Variants in PHGR1 observed in about 807,000 individuals in gnomAD.
PHGR1 encodes the protein proline, histidine and glycine-rich protein 1.
In PHGR1, 3 loss-of-function variants were observed where a neutral mutation model predicts 4.9. The observed-to-expected ratio is 0.61, with a 90% CI of 0.28 to 1.58. PHGR1 has a LOEUF of 1.58. Among genes scored for constraint, PHGR1 ranks in the 40% most tolerant of loss-of-function variants. PHGR1 has a pLI of 0.11. For synonymous variants in PHGR1, 32 were observed against 46.1 expected (o/e 0.69, Z 1.24); for missense variants, 81 against 118.7 (o/e 0.68, Z 1.48).
At position 40,353,448 on chromosome 15, in the gene PHGR1, T is replaced by C. The variant is rs1254392762; in HGVS notation, c.10+181T>C. 6.8e-6 allele frequency: 5 copies of C among 733,568 alleles called. No individual in the cohort carries two copies. The East Asian group carries it at 8.4e-5, about 12-fold the overall frequency. 45.4% of individuals were successfully genotyped at this position (733,568 alleles called of 1,614,324 possible). On this transcript the variant is annotated intron_variant, in intron 2 of 3. Transcript: ENST00000448599. ...ACAAGCCCTTACATACTGTAGAACATGTTACAGTTTAAAAAGCATGCTTAC... is the reference window on the plus strand; with the variant it reads ...ACAAGCCCTTACATACTGTAGAACACGTTACAGTTTAAAAAGCATGCTTAC...
intron 2 of PHGR1, chr15:40,353,519 G>A (rs1015803827): frequency 2.2e-5 from 11 of 500,324 alleles, no homozygotes; most frequent in Non-Finnish European, 4.0e-5. Flanking sequence ...TTCTCCCACC[G>A]CACACTCAAG....
rs1889291244 is a variant in PHGR1, at chr15:40,356,120, G to A, written c.66G>A (p.Gly22=). The change falls in exon 4 of 4, where the codon GGG becomes GGA. Residue 22 remains glycine (G), a synonymous_variant. Transcript: ENST00000448599. ...ATGGCCATCCTCCAGGTCACTGCGG[G>A]CCACCCCCTGGCCATGGCCCAGGGC... ...GGHGHPPGHC[G]PPPGHGPGPC... is the part of the protein sequence containing the mutation. The A allele has an allele frequency of 1.3e-6, 2 of 1,549,214 alleles. No homozygotes were observed. Among genetic ancestry groups the A allele is most frequent in the Admixed American group, 2.0e-5 (1 of 50,958 alleles).
intron 1 of PHGR1, 112 bp from the exon 2 acceptor site, chr15:40,353,117 GTGT>G: frequency 1.9e-6 from 1 of 514,056 alleles, no homozygotes; most frequent in Non-Finnish European, 2.8e-6. Context: ...AAGGGTGTGT[GTGT>G]GTGTGTGTGT....
intron 2 of PHGR1, among the ~76,000 whole-genome samples, chr15:40,354,014 A>T (rs1889249951): frequency 6.6e-6 from 1 of 152,200 alleles, no homozygotes; most frequent in South Asian, 2.1e-4. Context: ...CAGGTGGATG[A>T]CAGGGTTGGC....
In PHGR1 at chr15:40,356,310, A is replaced by AG; in HGVS notation, c.*8dup. The AG allele has an allele frequency of 6.5e-7, 1 of 1,549,810 alleles. No homozygotes were observed. The highest frequency in any genetic ancestry group is 1.4e-5 in the African/African-American group (1 of 73,094). On this transcript the variant is annotated 3_prime_UTR_variant, in exon 4 of 4. Coordinates refer to ENST00000448599, the MANE Select transcript of PHGR1 (RefSeq NM_001145643.2). ...CCCTGGTCCACATCACTGAGGAAGT[A>AG]GAAGAAAACAGGACACAAGATGGCA...
intron 1 of PHGR1, among the ~76,000 whole-genome samples, chr15:40,352,911 T>C (rs1001397488): frequency 1.3e-5 from 2 of 151,978 alleles, no homozygotes; most frequent in Non-Finnish European, 2.9e-5. Context: ...TAACACACAA[T>C]TGTTGAGTCT....
intron 1 of PHGR1, among the ~76,000 whole-genome samples, chr15:40,351,511 ATCAC>A (rs1422738066): frequency 6.6e-6 from 1 of 152,140 alleles, no homozygotes; most frequent in Non-Finnish European, 1.5e-5. Context: ...TTCCAGCTTT[ATCAC>A]TCACTAAGGG....
At chr15:40,352,300 T>A (rs1049470712) in intron 1 of PHGR1, among the ~76,000 whole-genome samples, 4 of 152,156 alleles carry the variant, frequency 2.6e-5, no homozygotes, top group African/African-American at 9.7e-5. Context: ...GGGGGCGCTG[T>A]TTGTTTTTGT....
chr15:40,353,648 C>T (rs989273198), intron 2 of PHGR1: 7 of 245,300 alleles, frequency 2.9e-5, no homozygotes, highest in Admixed American at 1.5e-4. Context: ...AACAAAAGAC[C>T]GTCCTAGCCT....
At position 40,353,142 on chromosome 15, in the gene PHGR1, T is replaced by TGC. The variant is rs1470647130; in HGVS notation, c.-26-89_-26-88insCG. The TGC allele has an allele frequency of 1.3e-4, 127 of 941,832 alleles. No homozygotes were observed. The African/African-American group carries it at 2.2e-3, about 16-fold the overall frequency. The allele number at this position is 941,832 out of a possible 1,614,324, so 58.3% of individuals were successfully genotyped here. On this transcript the variant is annotated intron_variant, in intron 1 of 3. Coordinates refer to ENST00000448599, the MANE Select transcript of PHGR1 (RefSeq NM_001145643.2). ...GTGTGTGTGTGTGTGTGTGTGTGTG[T>TGC]GTGTGCGCGCGCGCGCGCATCCGTG...
At chr15:40,355,343 G>C (rs1235020551) in intron 3 of PHGR1, among the ~76,000 whole-genome samples, 3 of 152,048 alleles carry the variant, frequency 2.0e-5, no homozygotes, top group Non-Finnish European at 4.4e-5. Flanking sequence ...TCAGGAACAG[G>C]TATGAGCTCG....
chr15:40,354,356 G>A lies in PHGR1; in HGVS notation c.18+4G>A. The A allele has an allele frequency of 1.3e-6, 2 of 1,536,408 alleles. No homozygotes were observed. The highest frequency in any genetic ancestry group is 3.3e-4 in the Middle Eastern group (2 of 5,986). The stretch of plus-strand genomic sequence containing the variant: ...TTCCTCTCCCACAGGTCCGAAGGTA[G>A]GAAAGTTCCCCCAATGGTCTCCCCT... On this transcript the variant is annotated splice_donor_region_variant and intron_variant, in intron 3 of 3. Transcript: ENST00000448599.
At chr15:40,355,056 C>G (rs1377867791) in intron 3 of PHGR1, among the ~76,000 whole-genome samples, 2 of 152,234 alleles carry the variant, frequency 1.3e-5, no homozygotes, top group South Asian at 2.1e-4. Flanking sequence ...CCAGCCCAGA[C>G]AGTGGGAGCA....
chr15:40,354,494 CG>C, intron 3 of PHGR1, 142 bp downstream of exon 3: 1 of 1,058,580 alleles, frequency 9.4e-7, no homozygotes, highest in Non-Finnish European at 1.3e-6. Flanking sequence ...GCAGCAGCCC[CG>C]TGGAGTGGGG....
intron 1 of PHGR1, 86 bp from the exon 2 acceptor site, chr15:40,353,146 T>TGTGTGTGTGTGTGC (rs56132408): frequency 5.0e-5 from 39 of 776,282 alleles, no homozygotes; most frequent in Middle Eastern, 3.0e-4. Context: ...TGTGTGTGTG[T>TGTGTGTGTGTGTGC]GCGCGCGCGC....
In PHGR1 at chr15:40,356,304, G is replaced by C. The variant is rs1238808238; in HGVS notation, c.*1G>C. 6 of 1,549,836 alleles carry C rather than the reference G, an allele frequency of 3.9e-6. No individual in the cohort carries two copies. Among genetic ancestry groups the C allele is most frequent in the Non-Finnish European group, 5.2e-6 (6 of 1,146,626 alleles). On this transcript the variant is annotated 3_prime_UTR_variant, in exon 4 of 4. Coordinates refer to ENST00000448599, the MANE Select transcript of PHGR1 (RefSeq NM_001145643.2). ...CCCACCCCCTGGTCCACATCACTGA[G>C]GAAGTAGAAGAAAACAGGACACAAG...
At chr15:40,352,835 G>GCAGACA (rs1160744684) in intron 1 of PHGR1, among the ~76,000 whole-genome samples, 1 of 152,194 alleles carries the variant, frequency 6.6e-6, no homozygotes, top group East Asian at 1.9e-4. Flanking sequence ...CTGGCACAGG[G>GCAGACA]CAGACACACA....
intron 1 of PHGR1, among the ~76,000 whole-genome samples, chr15:40,351,472 T>G (rs911712604): frequency 7.2e-5 from 11 of 152,022 alleles, no homozygotes; most frequent in Non-Finnish European, 1.6e-4. Flanking sequence ...TTACCTCTCC[T>G]CCCCGCAAAG....
chr15:40,353,725 G>C (rs1387379736), intron 2 of PHGR1: 2 of 186,500 alleles, frequency 1.1e-5, no homozygotes, highest in Non-Finnish European at 2.2e-5. Flanking sequence ...ACTCAGGTGG[G>C]TGCTGCAGGA....
Sources: gnomAD v4.1 joint callset for allele counts (sites outside exome capture counted in the v4.1 genomes callset) on GRCh38, gnomAD v4.1.1 for gene constraint, MANE v1.5 for transcripts, NCBI Gene and HGNC (gene_info 2026-07-23, HGNC 2026-07-21) for gene names.